The following DEFB116 variants were observed in gnomAD, a reference collection of about 807,000 sequenced individuals.
DEFB116 encodes the protein defensin beta 116.
DEFB116 carries 5 observed loss-of-function variants against 2.8 expected under a neutral mutation model. That is an observed-to-expected ratio of 1.80 (90% CI 0.94 to 3.79). The LOEUF (loss-of-function observed/expected upper bound fraction) is 3.79, where lower values mean the gene tolerates loss of function less well. DEFB116 is among the 30% of genes most tolerant of loss of function. The pLI, the probability that DEFB116 is intolerant of heterozygous loss-of-function variation, is 0.00. For missense variants in DEFB116, 170 were observed against 118.0 expected (o/e 1.44, Z -2.04); for synonymous variants, 56 against 40.8 (o/e 1.37, Z -1.42).
chr20:31,308,405 C>A, intron 1 of DEFB116, 114 bp downstream of exon 1: 1 of 987,488 alleles, frequency 1.0e-6, no homozygotes. Context: ...CACCTGAGAC[C>A]AGAAAAGGCT....
intron 1 of DEFB116, 54 bp downstream of exon 1, chr20:31,308,465 A>C: frequency 6.3e-7 from 1 of 1,586,382 alleles, no homozygotes; most frequent in Non-Finnish European, 8.7e-7. Flanking sequence ...GAGGTCACCA[A>C]GATACCAGTA....
chr20:31,303,784 G>C (rs1305432630), intron 1 of DEFB116, among the ~76,000 whole-genome samples: 1 of 152,106 alleles, frequency 6.6e-6, no homozygotes, highest in African/African-American at 2.4e-5. Flanking sequence ...TGATGTAGTT[G>C]ATATGAAAGT....
chr20:31,303,577 A>G, intron 1 of DEFB116, 124 bp from the exon 2 acceptor site: 7 of 1,366,100 alleles, frequency 5.1e-6, no homozygotes, highest in South Asian at 1.4e-5. Flanking sequence ...AACTACCTAG[A>G]TTCAAATCTG....
rs774121307 is a variant in DEFB116 at position 31,303,336 on chromosome 20, G to A, written c.185C>T (p.Pro62Leu). 2 of 1,613,534 alleles carry A rather than the reference G, an allele frequency of 1.2e-6. No homozygotes were observed. Among genetic ancestry groups the A allele is most frequent in the African/African-American group, 1.3e-5 (1 of 74,984 alleles). The change falls in exon 2 of 2, where the codon CCA becomes CTA. Residue 62 changes from proline to leucine, a missense_variant. Transcript: ENST00000400549. ...TTTCAGGCAGCACTTTTGATCATTT[G>A]GGCAGGTTAAGTATTGGATTTCATA... ...REYEIQYLTC[P>L]NDQKCCLKLS...
At chr20:31,304,813 T>A (rs1399308021) in intron 1 of DEFB116, among the ~76,000 whole-genome samples, 1 of 152,056 alleles carries the variant, frequency 6.6e-6, no homozygotes, top group African/African-American at 2.4e-5. Context: ...AGGTCTCCAA[T>A]TAATCAAATT....
At chr20:31,306,083 TA>T (rs572327491) in intron 1 of DEFB116, among the ~76,000 whole-genome samples, 2 of 152,130 alleles carry the variant, frequency 1.3e-5, no homozygotes, top group Non-Finnish European at 2.9e-5. Context: ...TGGACCTTTT[TA>T]AAAATTCCAT....
chr20:31,303,404 T>C lies in DEFB116; in HGVS notation c.117A>G (p.Pro39=). 6.2e-7 allele frequency: 1 copy of C among 1,613,542 alleles called. No homozygotes were observed. The highest frequency in any genetic ancestry group is 8.5e-7 in the Non-Finnish European group (1 of 1,179,592). ...TGCACATGCCTTGGTAAAGCTCACA[T>C]GGATTCCAAGGCTCTCGGCTCTTGC... ...HNGKSREPWN[P]CELYQGMCRN... The change falls in exon 2 of 2, where the codon CCA becomes CCG. Residue 39 remains proline (P), a synonymous_variant. Coordinates refer to ENST00000400549, the MANE Select transcript of DEFB116 (RefSeq NM_001037731.1).
At chr20:31,305,512 A>G (rs887293486) in intron 1 of DEFB116, among the ~76,000 whole-genome samples, 1 of 152,112 alleles carries the variant, frequency 6.6e-6, no homozygotes, top group Non-Finnish European at 1.5e-5. Flanking sequence ...TTTGTCATAG[A>G]TAGTTACAGT....
chr20:31,306,810 C>G (rs1985000411), intron 1 of DEFB116, among the ~76,000 whole-genome samples: 1 of 152,072 alleles, frequency 6.6e-6, no homozygotes, highest in Non-Finnish European at 1.5e-5. Flanking sequence ...AGACTGCTCC[C>G]ATATCTCTCT....
intron 1 of DEFB116, among the ~76,000 whole-genome samples, chr20:31,307,631 C>T (rs1184146509): frequency 6.6e-6 from 1 of 152,010 alleles, no homozygotes; most frequent in Non-Finnish European, 1.5e-5. Flanking sequence ...AAGAAACAAC[C>T]TATGGAATGG....
chr20:31,303,933 G>A (rs1209368065), intron 1 of DEFB116, among the ~76,000 whole-genome samples: 1 of 152,022 alleles, frequency 6.6e-6, no homozygotes, highest in African/African-American at 2.4e-5. Flanking sequence ...ACAAATATTT[G>A]AGCCTATGTG....
chr20:31,307,057 T>C (rs1336110616), intron 1 of DEFB116, among the ~76,000 whole-genome samples: 2 of 152,142 alleles, frequency 1.3e-5, no homozygotes, highest in Non-Finnish European at 2.9e-5. Context: ...AAGCTATACA[T>C]ATTTAATTTA....
Position 31,303,216 on chromosome 20 carries a change from ATG to A in DEFB116, c.303_304del (p.Ile102LeufsTer?). Reference sequence around the variant, plus strand: ...CAGAGGAGACGTTGGTGATATTCAAATGTGAGAGTAGCTTGAACTGTTTGTAA... The same window carrying A: ...CAGAGGAGACGTTGGTGATATTCAAATGAGAGTAGCTTGAACTGTTTGTAA... On this transcript the variant is annotated frameshift_variant, in exon 2 of 2. Coordinates refer to ENST00000400549, the MANE Select transcript of DEFB116 (RefSeq NM_001037731.1). LOFTEE classifies it high-confidence loss of function. 1.2e-6 allele frequency: 2 copies of A among 1,613,194 alleles called. No homozygotes were observed. Among genetic ancestry groups the A allele is most frequent in the South Asian group, 1.1e-5 (1 of 91,044 alleles).
chr20:31,305,152 C>T (rs532041898), intron 1 of DEFB116, among the ~76,000 whole-genome samples: 4 of 151,992 alleles, frequency 2.6e-5, no homozygotes, highest in African/African-American at 9.7e-5. Context: ...ACAATGATAT[C>T]ACTGTGTTTC....
At position 31,305,485 on chromosome 20, in the gene DEFB116, T is replaced by C. The variant is rs193146201; in HGVS notation, c.68-2032A>G. On this transcript the variant is annotated intron_variant, in intron 1 of 1. Transcript: ENST00000400549. ...CCTACAGTGATTTAAATAAATTTTT[T>C]AAATAAAAATAAAGATTTTGTCATA... 2.0e-5 allele frequency among the ~76,000 whole-genome samples: 3 copies of C among 152,228 alleles called. No homozygotes were observed. The East Asian group carries it at 5.8e-4, about 29-fold the overall frequency.
At chr20:31,306,002 C>T (rs1984984161) in intron 1 of DEFB116, among the ~76,000 whole-genome samples, 1 of 152,052 alleles carries the variant, frequency 6.6e-6, no homozygotes, top group African/African-American at 2.4e-5. Flanking sequence ...TTGCCCAGCT[C>T]ATTTTTCCAC....
intron 1 of DEFB116, among the ~76,000 whole-genome samples, chr20:31,304,194 T>C (rs913339077): frequency 6.6e-6 from 1 of 152,150 alleles, no homozygotes; most frequent in Non-Finnish European, 1.5e-5. Context: ...TAGCTATGTA[T>C]AAGTCATCCA....
chr20:31,305,396 C>T (rs549761451), intron 1 of DEFB116, among the ~76,000 whole-genome samples: 2 of 152,158 alleles, frequency 1.3e-5, no homozygotes, highest in East Asian at 3.9e-4. Context: ...AACACAGATA[C>T]CAAGAATGAG....
intron 1 of DEFB116, among the ~76,000 whole-genome samples, chr20:31,304,309 A>G (rs1984945822): frequency 6.6e-6 from 1 of 152,144 alleles, no homozygotes; most frequent in Non-Finnish European, 1.5e-5. Context: ...CAATGGTATT[A>G]CTTACCTATT....
Sources: allele counts gnomAD v4.1 joint callset (sites outside exome capture counted in the v4.1 genomes callset), GRCh38; gene constraint gnomAD v4.1.1; transcripts MANE v1.5; gene names NCBI Gene and HGNC (gene_info 2026-07-23, HGNC 2026-07-21).